Variants in DMRT1 observed in about 807,000 individuals in gnomAD.
DMRT1 encodes the protein doublesex and mab-3 related transcription factor 1.
A neutral mutation model predicts 32.3 loss-of-function variants in DMRT1; 7 were observed. The observed-to-expected ratio is 0.22, with a 90% CI of 0.12 to 0.41. The LOEUF (loss-of-function observed/expected upper bound fraction) is 0.41, where lower values mean the gene tolerates loss of function less well. DMRT1 is among the 10% of genes least tolerant of loss of function. DMRT1 has a pLI of 1.00. For synonymous variants in DMRT1, 278 were observed against 206.1 expected (o/e 1.35, Z -2.99); for missense variants, 625 against 500.5 (o/e 1.25, Z -2.37).
At chr9:876,112 TGA>T (rs1469601109) in intron 2 of DMRT1, among the ~76,000 whole-genome samples, 1 of 152,126 alleles carries the variant, frequency 6.6e-6, no homozygotes, top group Non-Finnish European at 1.5e-5. Flanking sequence ...GGGACACAAT[TGA>T]GAGCTGGGTG....
intron 2 of DMRT1, among the ~76,000 whole-genome samples, chr9:851,570 G>A (rs557264993): frequency 2.0e-5 from 3 of 152,198 alleles, no homozygotes; most frequent in Admixed American, 2.0e-4. Context: ...AAGTTTCTTA[G>A]TTATCTCCTT....
At chr9:858,859 AAAAAAAAAAAAATAT>A (rs1815518149) in intron 2 of DMRT1, among the ~76,000 whole-genome samples, 1 of 104,646 alleles carries the variant, frequency 9.6e-6, no homozygotes, top group African/African-American at 4.0e-5. Context: ...GTCTCAAAAA[AAAAAAAAAAAAATAT>A]ATATATATAT....
At chr9:883,322 A>G (rs1308332154) in intron 2 of DMRT1, among the ~76,000 whole-genome samples, 3 of 152,120 alleles carry the variant, frequency 2.0e-5, no homozygotes, top group Admixed American at 6.5e-5. Context: ...AATAGGCTCT[A>G]CCACATTCCG....
At chr9:929,992 A>G (rs1289409283) in intron 4 of DMRT1, among the ~76,000 whole-genome samples, 3 of 152,122 alleles carry the variant, frequency 2.0e-5, no homozygotes, top group Non-Finnish European at 2.9e-5. Flanking sequence ...GAGCTTCTGT[A>G]TGCTGTGGAA....
At chr9:906,226 G>C (rs528488977) in intron 3 of DMRT1, among the ~76,000 whole-genome samples, 1 of 152,294 alleles carries the variant, frequency 6.6e-6, no homozygotes, top group Admixed American at 6.5e-5. Context: ...TCACCAGCCT[G>C]CGTCGGATCT....
intron 2 of DMRT1, among the ~76,000 whole-genome samples, chr9:855,686 C>A (rs1454320945): frequency 6.6e-6 from 1 of 152,264 alleles, no homozygotes; most frequent in African/African-American, 2.4e-5. Context: ...GTGGTGCCAT[C>A]TTGGCTCACT....
chr9:958,389 T>A (rs973568296), intron 4 of DMRT1, among the ~76,000 whole-genome samples: 2 of 152,188 alleles, frequency 1.3e-5, no homozygotes, highest in Admixed American at 6.5e-5. Flanking sequence ...TTTTTGGAGA[T>A]GGAGTCTTGC....
intron 2 of DMRT1, among the ~76,000 whole-genome samples, chr9:849,099 G>C (rs1589444817): frequency 1.3e-5 from 2 of 151,632 alleles, no homozygotes; most frequent in East Asian, 3.9e-4. Context: ...TCAGGAGGTA[G>C]GAATTATTAT....
At chr9:908,898 C>T (rs938622268) in intron 3 of DMRT1, among the ~76,000 whole-genome samples, 2 of 152,138 alleles carry the variant, frequency 1.3e-5, no homozygotes, top group African/African-American at 4.8e-5. Context: ...CTCTTGGGTT[C>T]TTCAGCATCT....
intron 2 of DMRT1, among the ~76,000 whole-genome samples, chr9:852,609 G>T (rs1815202299): frequency 6.6e-6 from 1 of 152,190 alleles, no homozygotes; most frequent in Non-Finnish European, 1.5e-5. Context: ...GCTGTCAGAT[G>T]AAGGGTTGCA....
chr9:900,667 A>G (rs1224502818), intron 3 of DMRT1, among the ~76,000 whole-genome samples: 1 of 152,020 alleles, frequency 6.6e-6, no homozygotes, highest in Non-Finnish European at 1.5e-5. Flanking sequence ...AGAAGACAGC[A>G]GAATGCAAAA....
chr9:915,746 T>TA (rs1818155768), intron 3 of DMRT1, among the ~76,000 whole-genome samples: 4 of 151,828 alleles, frequency 2.6e-5, no homozygotes, highest in African/African-American at 9.7e-5. Context: ...TATATATATA[T>TA]TTTTTAGACA....
intron 2 of DMRT1, among the ~76,000 whole-genome samples, chr9:891,867 C>G (rs1817165301): frequency 6.6e-6 from 1 of 152,180 alleles, no homozygotes; most frequent in African/African-American, 2.4e-5. Flanking sequence ...TGCCAAGCTA[C>G]TTGAAAAATG....
intron 3 of DMRT1, among the ~76,000 whole-genome samples, chr9:899,614 C>T (rs1377590552): frequency 6.6e-6 from 1 of 152,222 alleles, no homozygotes; most frequent in Non-Finnish European, 1.5e-5. Flanking sequence ...CTGGAACAAA[C>T]TCACAATGAA....
At chr9:866,125 C>G (rs941974879) in intron 2 of DMRT1, among the ~76,000 whole-genome samples, 2 of 132,102 alleles carry the variant, frequency 1.5e-5, no homozygotes, top group Non-Finnish European at 3.1e-5. Flanking sequence ...GATCCTGCTA[C>G]TGCACTCCAG....
intron 2 of DMRT1, among the ~76,000 whole-genome samples, chr9:860,233 G>A (rs545860937): frequency 4.4e-4 from 67 of 152,278 alleles, no homozygotes; most frequent in African/African-American, 1.6e-3. Flanking sequence ...GGAGGCGGAG[G>A]TTGCAGGGAG....
intron 4 of DMRT1, among the ~76,000 whole-genome samples, chr9:924,299 T>C (rs1449570831): frequency 6.6e-6 from 1 of 152,184 alleles, no homozygotes. Context: ...CTCGAACTCC[T>C]GACCTCAAGT....
chr9:953,200 C>G (rs1300795346), intron 4 of DMRT1, among the ~76,000 whole-genome samples: 1 of 152,020 alleles, frequency 6.6e-6, no homozygotes, highest in Non-Finnish European at 1.5e-5. Context: ...TGAAAGTGAT[C>G]TATCTAAAAC....
Position 914,446 on chromosome 9 carries a change from C to T in DMRT1, c.823-2317C>T, listed in dbSNP as rs549612858. On this transcript the variant is annotated intron_variant, in intron 3 of 4. Transcript: ENST00000382276. ...AAAATTAGCCAGGCATGGTGGCGGG[C>T]GCCTGTAGTCCCAGCTACTCGGGAG... 5.5e-3 allele frequency among the ~76,000 whole-genome samples: 828 copies of T among 151,720 alleles called. 9 individuals are homozygous for T. Among genetic ancestry groups the T allele is most frequent in the African/African-American group, 0.019 (799 of 41,352 alleles).
Sources: allele counts gnomAD v4.1 joint callset (sites outside exome capture counted in the v4.1 genomes callset), GRCh38; gene constraint gnomAD v4.1.1; transcripts MANE v1.5; gene names NCBI Gene and HGNC (gene_info 2026-07-23, HGNC 2026-07-21).